The following PTPRD variants were observed in gnomAD, a reference collection of about 807,000 sequenced individuals.
The protein encoded by PTPRD is receptor-type tyrosine-protein phosphatase delta.
Under a neutral mutation model 214.5 loss-of-function variants are expected in PTPRD, and 34 were observed. The ratio of observed to expected loss-of-function variants is 0.16; its 90% confidence interval spans 0.12 to 0.21. The LOEUF (loss-of-function observed/expected upper bound fraction) is 0.21. Among genes scored for constraint, PTPRD ranks in the 10% least tolerant of loss-of-function variants. The pLI is 1.00. For synonymous variants in PTPRD, 1,128 were observed against 845.7 expected (o/e 1.33, Z -5.79); for missense variants, 2,545 against 2,398.7 (o/e 1.06, Z -1.27).
At chr9:8,715,079 C>T (rs1410362516) in intron 12 of PTPRD, among the ~76,000 whole-genome samples, 2 of 151,816 alleles carry the variant, frequency 1.3e-5, no homozygotes, top group Admixed American at 6.6e-5. Context: ...GCTCACACTT[C>T]CAAGACCTGA....
intron 12 of PTPRD, among the ~76,000 whole-genome samples, chr9:8,714,064 A>G (rs962576270): frequency 6.6e-6 from 1 of 152,152 alleles, no homozygotes; most frequent in Non-Finnish European, 1.5e-5. Context: ...TATTGGCCAT[A>G]ATAATGAATA....
At chr9:8,608,374 A>T (rs2095317496) in intron 14 of PTPRD, among the ~76,000 whole-genome samples, 2 of 152,170 alleles carry the variant, frequency 1.3e-5, no homozygotes, top group African/African-American at 4.8e-5. Flanking sequence ...ATTCCTAATA[A>T]AGAGATTAGA....
intron 9 of PTPRD, among the ~76,000 whole-genome samples, chr9:9,286,876 ATATATATATATATATATAT>A (rs1369064770): frequency 1.5e-3 from 13 of 8,630 alleles, no homozygotes; most frequent in Non-Finnish European, 2.0e-3. Context: ...ACTACTGAAT[ATATATATATATATATATAT>A]ATATATATAT....
chr9:10,576,728 G>A (rs2069497545), intron 2 of PTPRD, among the ~76,000 whole-genome samples: 1 of 152,092 alleles, frequency 6.6e-6, no homozygotes, highest in Non-Finnish European at 1.5e-5. Context: ...TATGCCATAT[G>A]TTCAATAGCT....
At chr9:10,187,679 G>A (rs1468890181) in intron 3 of PTPRD, among the ~76,000 whole-genome samples, 1 of 152,308 alleles carries the variant, frequency 6.6e-6, no homozygotes, top group Middle Eastern at 3.4e-3. Context: ...GCCCTGGGGG[G>A]CGGAACCAGG....
At chr9:10,125,394 AT>A (rs993115871) in intron 3 of PTPRD, among the ~76,000 whole-genome samples, 1 of 145,532 alleles carries the variant, frequency 6.9e-6, no homozygotes, top group Non-Finnish European at 1.5e-5. Flanking sequence ...CTTCTTTTTT[AT>A]TTTTTATTTT....
intron 9 of PTPRD, among the ~76,000 whole-genome samples, chr9:9,356,681 G>A (rs545569526): frequency 2.5e-4 from 38 of 151,538 alleles, no homozygotes; most frequent in African/African-American, 8.9e-4. Flanking sequence ...AAGAAACATA[G>A]TTCAAGAGTC....
At chr9:9,286,485 C>A (rs1301452981) in intron 9 of PTPRD, among the ~76,000 whole-genome samples, 1 of 151,772 alleles carries the variant, frequency 6.6e-6, no homozygotes, top group Non-Finnish European at 1.5e-5. Flanking sequence ...TATCGCAGAA[C>A]TCATAATGTC....
chr9:8,359,449 C>T (rs2077902270), intron 39 of PTPRD, among the ~76,000 whole-genome samples: 2 of 151,420 alleles, frequency 1.3e-5, no homozygotes, highest in Non-Finnish European at 2.9e-5. Flanking sequence ...TTCAGGCTCC[C>T]GAGTAGCTGG....
intron 2 of PTPRD, among the ~76,000 whole-genome samples, chr9:10,509,085 T>C (rs898057241): frequency 1.3e-5 from 2 of 152,112 alleles, no homozygotes; most frequent in Admixed American, 1.3e-4. Flanking sequence ...TTTTCCTTTG[T>C]AATTATAAAA....
intron 4 of PTPRD, among the ~76,000 whole-genome samples, chr9:9,950,851 T>C (rs1487722229): frequency 2.0e-5 from 3 of 151,626 alleles, no homozygotes; most frequent in Non-Finnish European, 4.4e-5. Flanking sequence ...CCCTCATTCC[T>C]ATTACATGGG....
At chr9:8,936,423 C>A (rs527381032) in intron 11 of PTPRD, among the ~76,000 whole-genome samples, 6 of 14,620 alleles carry the variant, frequency 4.1e-4, no homozygotes, top group African/African-American at 9.8e-4. Flanking sequence ...CAAGACCCTG[C>A]CTCCAAAAAA....
At chr9:9,356,905 G>A (rs1401849947) in intron 9 of PTPRD, among the ~76,000 whole-genome samples, 1 of 151,320 alleles carries the variant, frequency 6.6e-6, no homozygotes, top group Non-Finnish European at 1.5e-5. Context: ...TGCTACCAGT[G>A]AGGCAGCAGA....
At position 9,275,174 on chromosome 9, in the gene PTPRD, A is replaced by ATATATGTTATATATATATATATAT. The variant is rs1491381199; in HGVS notation, c.-202-91812_-202-91811insATATATATATATATATAACATATA. On this transcript the variant is annotated intron_variant, in intron 9 of 45. Transcript: ENST00000381196. ...TATATTATATATATAACATATATAT[A>ATATATGTTATATATATATATATAT]ATATATATGTTATATATATATATAT... Among the ~76,000 whole-genome samples the ATATATGTTATATATATATATATAT allele has an allele frequency of 2.7e-3, 77 of 28,944 alleles. 1 individual carries two copies. The highest frequency in any genetic ancestry group is 0.012 in the African/African-American group (73 of 6,058). The allele number at this position is 28,944 out of a possible 152,430, so 19.0% of individuals were successfully genotyped here.
chr9:10,278,566 G>C (rs2094871213), intron 3 of PTPRD, among the ~76,000 whole-genome samples: 1 of 152,138 alleles, frequency 6.6e-6, no homozygotes, highest in South Asian at 2.1e-4. Context: ...GCCTATGTGT[G>C]TGTGTGTTGC....
chr9:9,305,738 G>A (rs985771954), intron 9 of PTPRD, among the ~76,000 whole-genome samples: 4 of 152,102 alleles, frequency 2.6e-5, no homozygotes, highest in African/African-American at 9.7e-5. Flanking sequence ...GAGAGAGAAA[G>A]ATAGATGTAG....
intron 4 of PTPRD, among the ~76,000 whole-genome samples, chr9:10,026,151 C>G (rs2096919179): frequency 6.6e-6 from 1 of 152,154 alleles, no homozygotes; most frequent in African/African-American, 2.4e-5. Context: ...CAAGCCAATG[C>G]CAGTTAACTA....
At chr9:9,518,293 G>C (rs74612919) in intron 8 of PTPRD, among the ~76,000 whole-genome samples, 73 of 152,176 alleles carry the variant, frequency 4.8e-4, no homozygotes, top group Non-Finnish European at 6.3e-4. Flanking sequence ...TTAACATGAT[G>C]AGTGAAGTGT....
chr9:9,537,021 A>C (rs1385245147), intron 8 of PTPRD, among the ~76,000 whole-genome samples: 2 of 151,846 alleles, frequency 1.3e-5, no homozygotes, highest in African/African-American at 4.8e-5. Context: ...AGTTTTACCT[A>C]ATGACTCATG....
Sources: allele counts gnomAD v4.1 joint callset (sites outside exome capture counted in the v4.1 genomes callset), GRCh38; gene constraint gnomAD v4.1.1; transcripts MANE v1.5; gene names NCBI Gene and HGNC (gene_info 2026-07-23, HGNC 2026-07-21).